SYT1: variants seen among roughly 807,000 people sequenced by gnomAD.
The protein encoded by SYT1 is synaptotagmin 1, also known as synaptotagmin-1.
SYT1 carries 8 observed loss-of-function variants against 44.8 expected under a neutral mutation model. That is an observed-to-expected ratio of 0.18 (90% CI 0.10 to 0.32). The LOEUF is 0.32. Ranked by LOEUF, SYT1 falls within the 10% of genes least tolerant of loss-of-function variation. The pLI is 1.00. For missense variants in SYT1, 286 were observed against 509.3 expected (o/e 0.56, Z 4.22); for synonymous variants, 154 against 188.8 (o/e 0.82, Z 1.51).
intron 3 of SYT1, among the ~76,000 whole-genome samples, chr12:79,071,815 C>T (rs1464074684): frequency 2.0e-5 from 3 of 152,094 alleles, no homozygotes; most frequent in Admixed American, 1.3e-4. Flanking sequence ...GACTTAAGGC[C>T]TACCCTACTC....
intron 1 of SYT1, among the ~76,000 whole-genome samples, chr12:78,946,223 G>A (rs1345172891): frequency 6.6e-6 from 1 of 152,146 alleles, no homozygotes; most frequent in Admixed American, 6.5e-5. Flanking sequence ...GAGGGAACAG[G>A]TTTATTCAGG....
chr12:79,218,173 A>G (rs1025273323), intron 4 of SYT1, among the ~76,000 whole-genome samples: 2 of 152,140 alleles, frequency 1.3e-5, no homozygotes, highest in Non-Finnish European at 2.9e-5. Flanking sequence ...AAAAAACTGC[A>G]CCTAAGTTTA....
intron 1 of SYT1, among the ~76,000 whole-genome samples, chr12:78,902,888 A>G (rs1285124208): frequency 6.6e-6 from 1 of 152,168 alleles, no homozygotes; most frequent in Non-Finnish European, 1.5e-5. Context: ...CCAAATAAAC[A>G]TACTGGATGC....
At chr12:78,880,210 T>C (rs1214274332) in intron 1 of SYT1, among the ~76,000 whole-genome samples, 1 of 151,732 alleles carries the variant, frequency 6.6e-6, no homozygotes, top group East Asian at 1.9e-4. Flanking sequence ...GCCTCACAAA[T>C]AGTAATTAGT....
At chr12:79,307,732 A>G (rs1880478770) in intron 8 of SYT1, among the ~76,000 whole-genome samples, 1 of 152,172 alleles carries the variant, frequency 6.6e-6, no homozygotes, top group South Asian at 2.1e-4. Context: ...AGGGCTGTTT[A>G]CCGGCAATGG....
At chr12:79,311,350 T>G (rs1383643811) in intron 8 of SYT1, among the ~76,000 whole-genome samples, 202 of 143,018 alleles carry the variant, frequency 1.4e-3, no homozygotes, top group African/African-American at 3.4e-3. Flanking sequence ...ATGGCAATCA[T>G]TAAAAAGTCA....
At chr12:78,958,785 A>G (rs992747328) in intron 1 of SYT1, among the ~76,000 whole-genome samples, 2 of 152,138 alleles carry the variant, frequency 1.3e-5, no homozygotes, top group East Asian at 3.9e-4. Context: ...AAACCACACT[A>G]TGCTTAACCT....
chr12:79,088,052 G>A (rs1877505097), intron 3 of SYT1, among the ~76,000 whole-genome samples: 1 of 151,900 alleles, frequency 6.6e-6, no homozygotes, highest in South Asian at 2.1e-4. Flanking sequence ...TTCTTTATTT[G>A]TAAAATTAGC....
chr12:79,190,090 T>C lies in SYT1; in HGVS notation c.-17-27413T>C, dbSNP rs187736840. On this transcript the variant is annotated intron_variant, in intron 3 of 10. Coordinates refer to ENST00000261205, the MANE Select transcript of SYT1 (RefSeq NM_005639.3). ...TCTAGATGACTAATGCATAATTAAC[T>C]GCAGCACTACATCCTGAAGAAAATC... is the stretch of plus-strand genomic sequence containing the variant. Among the ~76,000 whole-genome samples, 451 of 152,272 alleles carry C rather than the reference T, an allele frequency of 3.0e-3. 2 individuals carry two copies. The highest frequency in any genetic ancestry group is 0.01 in the African/African-American group (425 of 41,568).
intron 1 of SYT1, among the ~76,000 whole-genome samples, chr12:78,911,945 A>G (rs1876358566): frequency 6.6e-6 from 1 of 152,014 alleles, no homozygotes; most frequent in African/African-American, 2.4e-5. Context: ...AAAAATTTGT[A>G]TTAATAGAAT....
chr12:79,064,950 AAGAAAG>A (rs1222819138), intron 3 of SYT1, among the ~76,000 whole-genome samples: 1 of 138,568 alleles, frequency 7.2e-6, no homozygotes, highest in Non-Finnish European at 1.6e-5. Flanking sequence ...GAAAGAAAGA[AAGAAAG>A]AAAGAAAGAA....
At chr12:78,866,232 C>A (rs1280675007) in intron 1 of SYT1, among the ~76,000 whole-genome samples, 1 of 152,006 alleles carries the variant, frequency 6.6e-6, no homozygotes, top group Admixed American at 6.6e-5. Flanking sequence ...GTCTGGATAC[C>A]AAACTTATGC....
intron 9 of SYT1, among the ~76,000 whole-genome samples, chr12:79,379,450 T>G (rs1160015991): frequency 6.6e-6 from 1 of 152,136 alleles, no homozygotes; most frequent in Admixed American, 6.5e-5. Flanking sequence ...ACATACGGGT[T>G]TTTGTTAATC....
chr12:79,090,415 C>T (rs1877692874), intron 3 of SYT1, among the ~76,000 whole-genome samples: 1 of 151,884 alleles, frequency 6.6e-6, no homozygotes, highest in South Asian at 2.1e-4. Flanking sequence ...TATCTTCCCT[C>T]AATTATTATG....
intron 3 of SYT1, among the ~76,000 whole-genome samples, chr12:79,194,453 G>C (rs967728581): frequency 2.6e-4 from 38 of 148,628 alleles, no homozygotes; most frequent in Non-Finnish European, 4.9e-4. Context: ...TAATAATTTT[G>C]TTATTATTAT....
At chr12:78,996,536 C>T (rs1208815921) in intron 2 of SYT1, among the ~76,000 whole-genome samples, 2 of 152,206 alleles carry the variant, frequency 1.3e-5, no homozygotes, top group East Asian at 1.9e-4. Context: ...ATTTTAGACG[C>T]TAATAGTCAA....
intron 9 of SYT1, among the ~76,000 whole-genome samples, chr12:79,381,484 T>C (rs1319838179): frequency 6.6e-6 from 1 of 152,222 alleles, no homozygotes; most frequent in African/African-American, 2.4e-5. Flanking sequence ...ACTTCCCATC[T>C]TAGACACAGG....
At chr12:79,211,860 G>C (rs1456294528) in intron 3 of SYT1, among the ~76,000 whole-genome samples, 2 of 151,902 alleles carry the variant, frequency 1.3e-5, no homozygotes, top group African/African-American at 4.8e-5. Context: ...TATCTATAAA[G>C]TATCCTCCTA....
At chr12:79,010,913 C>T (rs868010544) in intron 2 of SYT1, among the ~76,000 whole-genome samples, 1 of 152,118 alleles carries the variant, frequency 6.6e-6, no homozygotes, top group Non-Finnish European at 1.5e-5. Context: ...AGAATGTTGT[C>T]GTTTTCCAAA....
Sources: allele counts gnomAD v4.1 joint callset (sites outside exome capture counted in the v4.1 genomes callset), GRCh38; gene constraint gnomAD v4.1.1; transcripts MANE v1.5; gene names NCBI Gene and HGNC (gene_info 2026-07-23, HGNC 2026-07-21).